Variants in DNAH7 observed in about 807,000 individuals in gnomAD.
The protein encoded by DNAH7 is axonemal beta dynein heavy chain 7.
A neutral mutation model predicts 444.6 loss-of-function variants in DNAH7; 397 were observed. The observed-to-expected ratio is 0.89, with a 90% CI of 0.82 to 0.97. DNAH7 has a LOEUF of 0.97. Ranked by LOEUF, DNAH7 falls within the 50% of genes least tolerant of loss-of-function variation. The pLI, the probability that DNAH7 is intolerant of heterozygous loss-of-function variation, is 0.00. For missense variants in DNAH7, 4,902 were observed against 4,800.8 expected, an observed-to-expected ratio of 1.02 and a Z score of -0.62; for synonymous variants, 1,636 against 1,624.4, an observed-to-expected ratio of 1.01 and a Z score of -0.17.
intron 10 of DNAH7, among the ~76,000 whole-genome samples, chr2:196,006,563 GAAA>G (rs3052599): frequency 2.2e-5 from 3 of 134,598 alleles, no homozygotes; most frequent in African/African-American, 7.7e-5. Flanking sequence ...CTAAGGAAAG[GAAA>G]AAAAAAAAAA....
chr2:196,064,531 T>C (rs1023892873), intron 1 of DNAH7, among the ~76,000 whole-genome samples: 3 of 152,124 alleles, frequency 2.0e-5, no homozygotes, highest in Admixed American at 6.5e-5. Flanking sequence ...GAAAATAGCA[T>C]CATGAACACT....
At chr2:195,860,124 C>T (rs1699933458) in intron 42 of DNAH7, among the ~76,000 whole-genome samples, 1 of 151,656 alleles carries the variant, frequency 6.6e-6, no homozygotes, top group Non-Finnish European at 1.5e-5. Context: ...TTTGAAAATA[C>T]CTTAAAAACT....
rs753471763 is a variant in DNAH7 at position 195,987,922 on chromosome 2, AGAGAT to A, written c.1626+30_1626+34del. On this transcript the variant is annotated intron_variant, in intron 13 of 64. Coordinates refer to ENST00000312428, the MANE Select transcript of DNAH7 (RefSeq NM_018897.3). Reference sequence around the variant, plus strand: ...TAAAACTGGGGAAAAGATACCAGATAGAGATAACAGTTGCACAAAACTGGAGTCAT... The same window carrying A: ...TAAAACTGGGGAAAAGATACCAGATAAACAGTTGCACAAAACTGGAGTCAT... The A allele has an allele frequency of 4.3e-5, 66 of 1,535,634 alleles. 1 individual carries two copies. Among genetic ancestry groups the A allele is most frequent in the African/African-American group, 1.5e-4 (11 of 72,334 alleles).
chr2:195,872,498 G>A, intron 39 of DNAH7, 29 bp from the exon 40 acceptor site: 2 of 1,447,986 alleles, frequency 1.4e-6, no homozygotes, highest in Non-Finnish European at 1.9e-6. Context: ...AAAAAGAAAG[G>A]AAAATGTTAG....
At chr2:196,025,012 G>T (rs765125314) in intron 7 of DNAH7, among the ~76,000 whole-genome samples, 5 of 152,114 alleles carry the variant, frequency 3.3e-5, no homozygotes, top group Non-Finnish European at 5.9e-5. Context: ...GTGTAACAAC[G>T]ATTTACATAG....
chr2:195,744,574 C>T (rs1392451838), intron 63 of DNAH7, among the ~76,000 whole-genome samples: 2 of 152,216 alleles, frequency 1.3e-5, no homozygotes, highest in Non-Finnish European at 2.9e-5. Context: ...TGACCCCTCA[C>T]CCCCGAGCAG....
chr2:195,917,710 T>C (rs1313278273), intron 24 of DNAH7, among the ~76,000 whole-genome samples: 1 of 152,200 alleles, frequency 6.6e-6, no homozygotes, highest in Non-Finnish European at 1.5e-5. Context: ...ACCAGTAACA[T>C]GGTGGCTTTA....
intron 19 of DNAH7, among the ~76,000 whole-genome samples, chr2:195,950,851 CAAAAAAAAA>C (rs67782183): frequency 2.4e-3 from 89 of 36,720 alleles, no homozygotes; most frequent in East Asian, 0.011. Context: ...GACTCTGTCT[CAAAAAAAAA>C]AAAAAAAAAA....
chr2:195,815,761 G>C (rs2124884615), intron 51 of DNAH7, among the ~76,000 whole-genome samples: 1 of 151,944 alleles, frequency 6.6e-6, no homozygotes, highest in Middle Eastern at 3.4e-3. Flanking sequence ...CCAGCATTTT[G>C]GGAGGCCGAG....
At position 195,973,363 on chromosome 2, in the gene DNAH7, G is replaced by A. The variant is rs182671626; in HGVS notation, c.1834-897C>T. Among the ~76,000 whole-genome samples, 182 of 152,278 alleles carry A rather than the reference G, an allele frequency of 1.2e-3. 1 individual carries two copies. The highest frequency in any genetic ancestry group is 1.1e-3 in the Non-Finnish European group (75 of 68,026). On this transcript the variant is annotated intron_variant, in intron 15 of 64. Coordinates refer to ENST00000312428, the MANE Select transcript of DNAH7 (RefSeq NM_018897.3). ...TGTTTTATGGGTGGGTATTGGGCGC[G>A]TGGGAATGTGATAACCTAAACATGG...
At chr2:195,868,089 C>CTTTTTTTTTTTT (rs58317384) in intron 40 of DNAH7, among the ~76,000 whole-genome samples, 2 of 101,058 alleles carry the variant, frequency 2.0e-5, no homozygotes, top group Non-Finnish European at 3.8e-5. Flanking sequence ...TATTATTCAT[C>CTTTTTTTTTTTT]TTTTTTTTTT....
chr2:195,875,987 T>G, intron 37 of DNAH7, 144 bp from the exon 38 acceptor site: 1 of 706,424 alleles, frequency 1.4e-6, no homozygotes. Flanking sequence ...TAAACAAGGA[T>G]AATATCCTTA....
rs776557357 is a variant in DNAH7 at position 195,960,246 on chromosome 2, A to G, written c.2891+14T>C. ...TAACATAGCATAAACATTGCCATAT[A>G]AATATCACTTTACCTCATTTGTTTT... On this transcript the variant is annotated intron_variant, in intron 18 of 64. Coordinates refer to ENST00000312428, the MANE Select transcript of DNAH7 (RefSeq NM_018897.3). 23 of 1,578,074 alleles carry G rather than the reference A, an allele frequency of 1.5e-5. No individual in the cohort carries two copies. The African/African-American group carries it at 3.1e-4, about 21-fold the overall frequency.
chr2:196,054,671 T>C (rs1425817255), intron 2 of DNAH7, among the ~76,000 whole-genome samples: 1 of 152,140 alleles, frequency 6.6e-6, no homozygotes, highest in Non-Finnish European at 1.5e-5. Context: ...CCAAATCTCA[T>C]CTTGAATTAT....
rs534467917 is a variant in DNAH7 at position 195,830,377 on chromosome 2, TTAAA to T, written c.9100+3825_9100+3828del. Among the ~76,000 whole-genome samples, 388 of 152,278 alleles carry T rather than the reference TTAAA, an allele frequency of 2.5e-3. 3 individuals carry two copies. The highest frequency in any genetic ancestry group is 4.7e-3 in the Non-Finnish European group (323 of 68,020). On this transcript the variant is annotated intron_variant, in intron 48 of 64. Coordinates refer to ENST00000312428, the MANE Select transcript of DNAH7 (RefSeq NM_018897.3). ...TCAAATTTCTCTTGCATGTAGGACATTAAATAATGTGGTTTTTAAGTTATGAATT... is the reference window on the plus strand; with the variant it reads ...TCAAATTTCTCTTGCATGTAGGACATTAATGTGGTTTTTAAGTTATGAATT...
intron 12 of DNAH7, among the ~76,000 whole-genome samples, chr2:195,997,090 C>T (rs1014296209): frequency 6.6e-6 from 1 of 152,142 alleles, no homozygotes; most frequent in East Asian, 1.9e-4. Context: ...ATTACTTGAT[C>T]TCATGTGAAG....
intron 16 of DNAH7, among the ~76,000 whole-genome samples, chr2:195,970,871 C>G (rs1691794814): frequency 1.3e-5 from 2 of 152,242 alleles, no homozygotes; most frequent in South Asian, 4.1e-4. Context: ...ACTTATTGCT[C>G]TAGCCCAGTC....
At chr2:195,966,201 C>A (rs958308791) in intron 17 of DNAH7, among the ~76,000 whole-genome samples, 1 of 151,998 alleles carries the variant, frequency 6.6e-6, no homozygotes, top group Non-Finnish European at 1.5e-5. Context: ...TTAATTTTTT[C>A]ATTGACCCCA....
At chr2:195,832,080 T>C (rs978452351) in intron 48 of DNAH7, among the ~76,000 whole-genome samples, 2 of 152,248 alleles carry the variant, frequency 1.3e-5, no homozygotes, top group Admixed American at 6.5e-5. Flanking sequence ...CATGAAATGA[T>C]GCTTACCTTT....
Sources: allele counts gnomAD v4.1 joint callset (sites outside exome capture counted in the v4.1 genomes callset), GRCh38; gene constraint gnomAD v4.1.1; transcripts MANE v1.5; gene names NCBI Gene and HGNC (gene_info 2026-07-23, HGNC 2026-07-21).